The following NAV3 variants were observed in gnomAD, a reference collection of about 807,000 sequenced individuals.
NAV3 encodes the protein neuron navigator 3.
A neutral mutation model predicts 244.7 loss-of-function variants in NAV3; 87 were observed. That is an observed-to-expected ratio of 0.36 (90% confidence interval 0.30 to 0.42). The LOEUF (loss-of-function observed/expected upper bound fraction) is 0.42. Among genes scored for constraint, NAV3 ranks in the 20% least tolerant of loss-of-function variants. NAV3 has a pLI of 1.00. For missense variants in NAV3, 2,663 were observed against 2,893.3 expected (o/e 0.92, Z 1.83); for synonymous variants, 1,126 against 1,042.2 (o/e 1.08, Z -1.55).
At chr12:77,824,240 A>ATT (rs1872869864) in intron 2 of NAV3, among the ~76,000 whole-genome samples, 3 of 117,538 alleles carry the variant, frequency 2.6e-5, no homozygotes, top group African/African-American at 1.1e-4. Context: ...CGCCCAACTA[A>ATT]ATTTTTTTTT....
At chr12:77,669,589 A>T (rs1262388509) in intron 2 of NAV3, among the ~76,000 whole-genome samples, 1 of 152,312 alleles carries the variant, frequency 6.6e-6, no homozygotes, top group African/African-American at 2.4e-5. Context: ...AAGGAACAGC[A>T]GTTAAAAAAG....
chr12:78,144,380 C>T (rs549398607), intron 20 of NAV3, among the ~76,000 whole-genome samples: 12 of 151,770 alleles, frequency 7.9e-5, no homozygotes, highest in Non-Finnish European at 1.5e-4. Context: ...TGGGCTTGCT[C>T]AAAACCATTG....
At chr12:77,953,694 G>A (rs1034865933) in intron 3 of NAV3, among the ~76,000 whole-genome samples, 2 of 152,104 alleles carry the variant, frequency 1.3e-5, no homozygotes, top group Non-Finnish European at 2.9e-5. Flanking sequence ...AATGACACAG[G>A]AGTAACTAAT....
At chr12:78,042,404 G>C (rs944663524) in intron 9 of NAV3, among the ~76,000 whole-genome samples, 1 of 152,182 alleles carries the variant, frequency 6.6e-6, no homozygotes, top group African/African-American at 2.4e-5. Flanking sequence ...TAGAACTGTA[G>C]AAACTGGAGA....
At chr12:77,679,624 A>C (rs1326589290) in intron 2 of NAV3, among the ~76,000 whole-genome samples, 1 of 152,174 alleles carries the variant, frequency 6.6e-6, no homozygotes, top group Admixed American at 6.5e-5. Flanking sequence ...GCAAGGATGC[A>C]GAGTATGAAA....
intron 12 of NAV3, among the ~76,000 whole-genome samples, chr12:78,109,951 C>G (rs2138378620): frequency 6.6e-6 from 1 of 152,078 alleles, no homozygotes; most frequent in South Asian, 2.1e-4. Flanking sequence ...CCAAAACAAT[C>G]AGACAAGCAA....
intron 9 of NAV3, among the ~76,000 whole-genome samples, chr12:78,033,434 T>C (rs1427980304): frequency 2.6e-5 from 4 of 152,144 alleles, no homozygotes; most frequent in African/African-American, 9.7e-5. Flanking sequence ...TTTTTCCTAC[T>C]GACTGGGTGT....
At position 77,882,131 on chromosome 12, in the gene NAV3, C is replaced by T. The variant is rs368895034; in HGVS notation, c.243+50427C>T. Among the ~76,000 whole-genome samples the T allele has an allele frequency of 3.5e-4, 54 of 152,120 alleles. No individual in the cohort carries two copies. In the East Asian group the frequency reaches 3.9e-3, roughly 11 times the overall value. ...TCCGGACAGCCAAAGCGATCTCACA[C>T]GAAAAGAACAAAGCAGAAGGCATCA... is the stretch of plus-strand genomic sequence containing the variant. On this transcript the variant is annotated intron_variant, in intron 1 of 39. Transcript: ENST00000397909.
chr12:77,608,964 C>T (rs1329207020), intron 2 of NAV3, among the ~76,000 whole-genome samples: 1 of 152,062 alleles, frequency 6.6e-6, no homozygotes, highest in Non-Finnish European at 1.5e-5. Context: ...TTCCTGAAAA[C>T]ATATTTTTAA....
chr12:77,927,840 T>C, intron 1 of NAV3, among the ~76,000 whole-genome samples: 1 of 152,302 alleles, frequency 6.6e-6, no homozygotes, highest in South Asian at 2.1e-4. Context: ...TTCTTCATTA[T>C]GTATTTTATT....
intron 2 of NAV3, among the ~76,000 whole-genome samples, chr12:77,654,793 C>A (rs529205859): frequency 8.7e-5 from 13 of 149,698 alleles, no homozygotes; most frequent in African/African-American, 2.8e-4. Context: ...AGCATATTCG[C>A]GGTTCATGAA....
chr12:77,857,632 A>G (rs1274056735), intron 1 of NAV3, among the ~76,000 whole-genome samples: 1 of 151,876 alleles, frequency 6.6e-6, no homozygotes, highest in Non-Finnish European at 1.5e-5. Flanking sequence ...ATATATATAT[A>G]TGACATTACT....
At chr12:77,637,627 T>G (rs927381627) in intron 2 of NAV3, among the ~76,000 whole-genome samples, 1 of 152,158 alleles carries the variant, frequency 6.6e-6, no homozygotes, top group African/African-American at 2.4e-5. Flanking sequence ...AAATGAGGCA[T>G]AAAAATTAGC....
At chr12:78,177,592 G>T in intron 27 of NAV3, 28 bp from the exon 28 acceptor site, 1 of 1,585,040 alleles carries the variant, frequency 6.3e-7, no homozygotes, top group Non-Finnish European at 8.5e-7. Flanking sequence ...ATTTGTCCAT[G>T]TATCTGTCTA....
intron 9 of NAV3, among the ~76,000 whole-genome samples, chr12:78,027,850 A>G (rs1878334334): frequency 6.6e-6 from 1 of 151,730 alleles, no homozygotes; most frequent in African/African-American, 2.4e-5. Flanking sequence ...TTGTTTGCTT[A>G]TTTTTCATTG....
At chr12:77,652,446 T>G (rs1298350638) in intron 2 of NAV3, among the ~76,000 whole-genome samples, 1 of 152,252 alleles carries the variant, frequency 6.6e-6, no homozygotes, top group Admixed American at 6.5e-5. Context: ...ATTTTAATTC[T>G]ACTCCTTCAC....
chr12:77,822,323 T>C lies in NAV3; in HGVS notation c.73-117996T>C, dbSNP rs533807870. 2.9e-3 allele frequency among the ~76,000 whole-genome samples: 440 copies of C among 152,300 alleles called. 3 individuals are homozygous for C. The highest frequency in any genetic ancestry group is 5.2e-3 in the Non-Finnish European group (357 of 68,006). On this transcript the variant is annotated intron_variant, in intron 2 of 8. Coordinates refer to the NAV3 transcript ENST00000550042. ...TTAGCTGTCTTACTATTTAATCCCT[T>C]GTACTCATCACCTGCTTTTATGTTT...
intron 12 of NAV3, among the ~76,000 whole-genome samples, chr12:78,100,284 A>C (rs1954473246): frequency 6.6e-6 from 1 of 151,972 alleles, no homozygotes; most frequent in South Asian, 2.1e-4. Flanking sequence ...CCCTTGATAC[A>C]TGAAAATAAT....
chr12:77,859,758 C>CAAAAAAAAAAAAAAAAAAAAAAAAAAA (rs61516625), intron 1 of NAV3, among the ~76,000 whole-genome samples: 1 of 68,722 alleles, frequency 1.5e-5, no homozygotes, highest in African/African-American at 4.9e-5. Flanking sequence ...CTTTCAAATG[C>CAAAAAAAAAAAAAAAAAAAAAAAAAAA]AAAAAAAAAA....
Sources: allele counts gnomAD v4.1 joint callset (sites outside exome capture counted in the v4.1 genomes callset), GRCh38; gene constraint gnomAD v4.1.1; transcripts MANE v1.5; gene names NCBI Gene and HGNC (gene_info 2026-07-23, HGNC 2026-07-21).